The following VAV3 variants were observed in gnomAD, a reference collection of about 807,000 sequenced individuals.
VAV3 encodes vav guanine nucleotide exchange factor 3, also known as guanine nucleotide exchange factor VAV3.
VAV3 carries 94 observed loss-of-function variants against 131.2 expected under a neutral mutation model. The observed-to-expected ratio is 0.72, with a 90% CI of 0.61 to 0.85. The LOEUF (loss-of-function observed/expected upper bound fraction) is 0.85. VAV3 is among the 40% of genes least tolerant of loss of function. The pLI, the probability that VAV3 is intolerant of heterozygous loss-of-function variation, is 0.00. For missense variants in VAV3, 939 were observed against 1,002.7 expected (o/e 0.94, Z 0.86); for synonymous variants, 349 against 342.0 (o/e 1.02, Z -0.22).
chr1:107,616,870 T>C (rs1023613367), intron 21 of VAV3, among the ~76,000 whole-genome samples: 9 of 152,166 alleles, frequency 5.9e-5, no homozygotes, highest in African/African-American at 1.9e-4. Flanking sequence ...AGAAATTTCA[T>C]TTACTTTGGA....
In VAV3 at chr1:107,956,472, A is replaced by C. The variant is rs558030620; in HGVS notation, c.204+8194T>G. Among the ~76,000 whole-genome samples, 4 of 152,300 alleles carry C rather than the reference A, an allele frequency of 2.6e-5. No homozygotes were observed. The East Asian group carries it at 7.7e-4, about 29-fold the overall frequency. The stretch of plus-strand genomic sequence containing the variant: ...GAATTCTAAACTGATAAGCCTTTGA[A>C]ACGTACACAAGCATATATGCTACAG... On this transcript the variant is annotated intron_variant, in intron 1 of 26. Transcript: ENST00000370056.
At chr1:107,908,339 A>G (rs1024156269) in intron 1 of VAV3, among the ~76,000 whole-genome samples, 2 of 152,212 alleles carry the variant, frequency 1.3e-5, no homozygotes, top group Admixed American at 1.3e-4. Flanking sequence ...GGCTGATATC[A>G]TAGGTGGTGG....
In VAV3 at chr1:107,728,228, A is replaced by G. The variant is rs942260269; in HGVS notation, c.1502+20740T>C. Among the ~76,000 whole-genome samples the G allele has an allele frequency of 3.9e-5, 6 of 152,164 alleles. No homozygotes were observed. The South Asian group carries it at 1.2e-3, about 31-fold the overall frequency. ...ATTTTCATGACAAAGATATAGAGCA[A>G]AGAGTCAGACCCCCATTTTAGGGAA... On this transcript the variant is annotated intron_variant, in intron 15 of 26. Transcript: ENST00000370056.
chr1:107,588,002 T>C (rs904502382), intron 25 of VAV3, among the ~76,000 whole-genome samples: 1 of 152,178 alleles, frequency 6.6e-6, no homozygotes, highest in African/African-American at 2.4e-5. Flanking sequence ...CTCTGAGCCT[T>C]GAAACATTTA....
intron 19 of VAV3, chr1:107,677,877 C>A (rs1305648545): frequency 6.6e-6 from 1 of 152,104 alleles, no homozygotes; most frequent in East Asian, 1.9e-4. Context: ...GCAAGGCATG[C>A]ACAGACCTGC....
chr1:107,650,659 T>A lies in VAV3; in HGVS notation c.1778-7904A>T, dbSNP rs919948828. Among the ~76,000 whole-genome samples the A allele has an allele frequency of 3.3e-5, 5 of 150,648 alleles. No individual in the cohort carries two copies. In the South Asian group the frequency reaches 1.1e-3, roughly 32 times the overall value. ...GTGCCATGCTGGTGTGCTGCACCCA[T>A]TAACTCATCATTTAGCATTAGGTAT... On this transcript the variant is annotated intron_variant, in intron 19 of 26. Transcript: ENST00000370056.
At chr1:107,906,168 T>C (rs761741021) in intron 1 of VAV3, among the ~76,000 whole-genome samples, 3 of 152,196 alleles carry the variant, frequency 2.0e-5, no homozygotes, top group African/African-American at 4.8e-5. Context: ...CTTCCAGCAT[T>C]CCCTGTTTAT....
In VAV3 at chr1:107,757,187, G is replaced by GTGTGTGTGTGTGTGTA. The variant is rs869175769; in HGVS notation, c.1086+73_1086+74insTACACACACACACACA. The GTGTGTGTGTGTGTGTA allele has an allele frequency of 1.2e-4, 97 of 814,508 alleles. No individual in the cohort carries two copies. In the African/African-American group the frequency reaches 1.6e-3, roughly 14 times the overall value. The allele number at this position is 814,508 out of a possible 1,614,324, so 50.5% of individuals were successfully genotyped here. ...TGTGTGTGTGTGTGTGTGTGTGTGT[G>GTGTGTGTGTGTGTGTA]TATGCAATTTGAATTCCATTGTCTT... On this transcript the variant is annotated intron_variant, in intron 11 of 26. Coordinates refer to ENST00000370056, the MANE Select transcript of VAV3 (RefSeq NM_006113.5).
intron 24 of VAV3, 68 bp from the exon 25 acceptor site, chr1:107,596,409 A>T (rs1198835549): frequency 8.3e-6 from 13 of 1,559,108 alleles, no homozygotes; most frequent in African/African-American, 2.7e-5. Flanking sequence ...TGAACTCCTG[A>T]GCACATAAAT....
intron 19 of VAV3, among the ~76,000 whole-genome samples, chr1:107,651,006 G>A (rs542905125): frequency 1.3e-5 from 2 of 152,198 alleles, no homozygotes; most frequent in South Asian, 2.1e-4. Context: ...TGAAAGAGGT[G>A]GAGCCTTTGA....
intron 1 of VAV3, among the ~76,000 whole-genome samples, chr1:107,925,500 A>G (rs954174198): frequency 1.1e-4 from 16 of 152,336 alleles, no homozygotes; most frequent in African/African-American, 3.8e-4. Context: ...TCAACCTTAA[A>G]TTTCAGGAAG....
At chr1:107,727,883 G>T (rs959816163) in intron 15 of VAV3, among the ~76,000 whole-genome samples, 9 of 152,120 alleles carry the variant, frequency 5.9e-5, no homozygotes, top group Non-Finnish European at 1.0e-4. Context: ...TCTAAGGGGA[G>T]TTTCATTATA....
chr1:107,809,973 C>T (rs530526129), intron 2 of VAV3, among the ~76,000 whole-genome samples: 1 of 152,242 alleles, frequency 6.6e-6, no homozygotes, highest in Non-Finnish European at 1.5e-5. Context: ...GAAAATGATA[C>T]ATTGTAAAAA....
intron 2 of VAV3, among the ~76,000 whole-genome samples, chr1:107,807,975 G>T (rs1667141786): frequency 6.6e-6 from 1 of 152,076 alleles, no homozygotes; most frequent in African/African-American, 2.4e-5. Context: ...GAAATAAAAT[G>T]CTCAGATTAT....
intron 2 of VAV3, among the ~76,000 whole-genome samples, chr1:107,793,724 A>G (rs139999022): frequency 6.6e-6 from 1 of 152,238 alleles, no homozygotes; most frequent in Non-Finnish European, 1.5e-5. Flanking sequence ...TGATAAGCCA[A>G]TAAAGATATT....
At position 107,965,045 on chromosome 1, in the gene VAV3, C is replaced by T. The variant is rs1024431185; in HGVS notation, c.-176G>A. The T allele has an allele frequency of 2.9e-4, 86 of 294,158 alleles. 1 individual carries two copies. The highest frequency in any genetic ancestry group is 1.9e-3 in the African/African-American group (81 of 43,722). The allele number at this position is 294,158 out of a possible 1,614,324, so 18.2% of individuals were successfully genotyped here. ...CGGGTCGCGGGCGCCGCGCTAGGCT[C>T]GGCTCCGGTCCCGGCCCGGGTGCGC... On this transcript the variant is annotated 5_prime_UTR_variant, in exon 1 of 27. Transcript: ENST00000370056.
chr1:107,804,377 T>C (rs550243756), intron 2 of VAV3, among the ~76,000 whole-genome samples: 10 of 152,310 alleles, frequency 6.6e-5, no homozygotes, highest in Non-Finnish European at 8.8e-5. Context: ...TTTTAATTCA[T>C]TGCTTTTTCT....
intron 10 of VAV3, among the ~76,000 whole-genome samples, chr1:107,757,979 C>T (rs1009315937): frequency 6.6e-6 from 1 of 152,136 alleles, no homozygotes; most frequent in African/African-American, 2.4e-5. Flanking sequence ...ACACGAGTCC[C>T]GGACTCATCC....
intron 2 of VAV3, among the ~76,000 whole-genome samples, chr1:107,836,701 C>T (rs573504031): frequency 6.6e-4 from 100 of 152,006 alleles, no homozygotes; most frequent in Non-Finnish European, 1.3e-3. Context: ...AGAAAAGATA[C>T]AGATAAGCAT....
Sources: gnomAD v4.1 joint callset for allele counts (sites outside exome capture counted in the v4.1 genomes callset) on GRCh38, gnomAD v4.1.1 for gene constraint, MANE v1.5 for transcripts, NCBI Gene and HGNC (gene_info 2026-07-23, HGNC 2026-07-21) for gene names.